Variants in ZNF346 observed in about 807,000 individuals in gnomAD.
ZNF346 encodes the protein double-stranded RNA-binding zinc finger protein JAZ.
Under a neutral mutation model 33.7 loss-of-function variants are expected in ZNF346, and 23 were observed. That is an observed-to-expected ratio of 0.68 (90% CI 0.49 to 0.97). The LOEUF is 0.97. Ranked by LOEUF, ZNF346 falls within the 50% of genes least tolerant of loss-of-function variation. The pLI is 0.00. For missense variants in ZNF346, 340 were observed against 371.1 expected (o/e 0.92, Z 0.69); for synonymous variants, 134 against 142.4 (o/e 0.94, Z 0.42).
At chr5:177,063,302 C>A (rs752640530) in intron 6 of ZNF346, among the ~76,000 whole-genome samples, 5 of 152,142 alleles carry the variant, frequency 3.3e-5, no homozygotes, top group Admixed American at 6.5e-5. Context: ...TGACTTTGGT[C>A]ATTGATTTTG....
chr5:177,057,034 G>T (rs1247735825), intron 5 of ZNF346, among the ~76,000 whole-genome samples: 2 of 152,192 alleles, frequency 1.3e-5, no homozygotes, highest in African/African-American at 4.8e-5. Flanking sequence ...TCTGTGGCTG[G>T]GTTTGATGGC....
intron 8 of ZNF346, among the ~76,000 whole-genome samples, chr5:177,073,910 G>A (rs770114694): frequency 7.1e-4 from 108 of 152,222 alleles, no homozygotes; most frequent in Admixed American, 4.6e-4. Flanking sequence ...TAACATGACT[G>A]TACGACTTCC....
intron 5 of ZNF346, 22 bp from the exon 6 acceptor site, chr5:177,062,036 T>G (rs376301790): frequency 1.1e-5 from 17 of 1,603,170 alleles, no homozygotes; most frequent in Non-Finnish European, 1.5e-5. Flanking sequence ...ATTACTAAGA[T>G]CTTGATTTTG....
intron 6 of ZNF346, among the ~76,000 whole-genome samples, chr5:177,063,278 C>G (rs766533069): frequency 3.7e-4 from 57 of 152,064 alleles, no homozygotes; most frequent in Non-Finnish European, 7.1e-4. Context: ...GGCAAGCTGC[C>G]GAAATGATTG....
chr5:177,073,924 G>A (rs1413637119), intron 8 of ZNF346, among the ~76,000 whole-genome samples: 1 of 152,098 alleles, frequency 6.6e-6, no homozygotes, highest in East Asian at 1.9e-4. Flanking sequence ...GACTTCCAAG[G>A]TTAGGACTTA....
intron 3 of ZNF346, 34 bp from the exon 4 acceptor site, chr5:177,044,355 G>C: frequency 6.2e-7 from 1 of 1,613,236 alleles, no homozygotes; most frequent in Non-Finnish European, 8.5e-7. Context: ...TGGGGCAGTG[G>C]TATGATCAGA....
At chr5:177,023,160 C>T in intron 1 of ZNF346, 5 of 1,533,648 alleles carry the variant, frequency 3.3e-6, no homozygotes, top group Non-Finnish European at 3.5e-6. Flanking sequence ...TTCACTACAG[C>T]GCAGTTTTTC....
At chr5:177,041,297 G>A in intron 2 of ZNF346, 68 bp downstream of exon 2, 1 of 1,327,136 alleles carries the variant, frequency 7.5e-7, no homozygotes, top group Non-Finnish European at 1.1e-6. Context: ...ATTCTCTCTG[G>A]CTTGCATGGT....
chr5:177,035,319 C>T (rs533622959), intron 1 of ZNF346, among the ~76,000 whole-genome samples: 1 of 152,252 alleles, frequency 6.6e-6, no homozygotes, highest in Admixed American at 6.5e-5. Flanking sequence ...CCCTGCCTCT[C>T]CAGTGAATGA....
intron 5 of ZNF346, chr5:177,051,694 A>G (rs1239065845): frequency 6.7e-6 from 1 of 149,320 alleles, no homozygotes; most frequent in East Asian, 2.0e-4. Flanking sequence ...ACACACCACC[A>G]CGCCCGGCTA....
chr5:177,035,020 T>A (rs1054946510), intron 1 of ZNF346, among the ~76,000 whole-genome samples: 5 of 144,560 alleles, frequency 3.5e-5, no homozygotes, highest in Admixed American at 3.3e-4. Flanking sequence ...TTCTTTTCTT[T>A]TCTTTTTTTT....
At chr5:177,041,328 C>T in intron 2 of ZNF346, 99 bp downstream of exon 2, 1 of 989,508 alleles carries the variant, frequency 1.0e-6, no homozygotes, top group Non-Finnish European at 1.6e-6. Context: ...TGCTGCTTAG[C>T]CACCCAGATG....
chr5:177,039,049 AC>A (rs893040181), intron 1 of ZNF346, among the ~76,000 whole-genome samples: 21 of 151,484 alleles, frequency 1.4e-4, no homozygotes, highest in Non-Finnish European at 2.9e-4. Context: ...GCTTCACCAC[AC>A]CCGGCTAGTT....
chr5:177,036,472 G>A (rs899070335), intron 1 of ZNF346, among the ~76,000 whole-genome samples: 1 of 152,090 alleles, frequency 6.6e-6, no homozygotes, highest in Non-Finnish European at 1.5e-5. Flanking sequence ...GTGTTGGTAG[G>A]GAAGCATAAT....
Position 177,041,786 on chromosome 5 carries a change from A to G in ZNF346, c.288A>G (p.Lys96=). 6.2e-7 allele frequency: 1 copy of G among 1,612,534 alleles called. No individual in the cohort carries two copies. The highest frequency in any genetic ancestry group is 8.5e-7 in the Non-Finnish European group (1 of 1,178,678). The change falls in exon 3 of 7, where the codon AAA becomes AAG. Residue 96 remains lysine (K), a synonymous_variant. Transcript: ENST00000358149. The part of the protein sequence containing the change: ...SQKLAHYQSK[K]HANKVKRYLA... ...CTCCTGGGTTTTTGCAGAGCAAAAA[A>G]CATGCCAACAAAGTGAAGAGATACC...
intron 3 of ZNF346, among the ~76,000 whole-genome samples, chr5:177,043,368 T>C (rs1472549726): frequency 1.3e-5 from 2 of 152,138 alleles, no homozygotes; most frequent in Non-Finnish European, 1.5e-5. Flanking sequence ...ATTTTACATA[T>C]TTGCACCCTA....
At chr5:177,040,624 C>T (rs896118749) in intron 1 of ZNF346, among the ~76,000 whole-genome samples, 1 of 152,192 alleles carries the variant, frequency 6.6e-6, no homozygotes, top group African/African-American at 2.4e-5. Flanking sequence ...GGATTACAGG[C>T]GTGAGCCACC....
chr5:177,068,751 A>AGGGC (rs1481572511), downstream of ZNF346, among the ~76,000 whole-genome samples: 3 of 142,910 alleles, frequency 2.1e-5, no homozygotes, highest in Non-Finnish European at 4.4e-5. Flanking sequence ...AGAAGGTTGT[A>AGGGC]GGGCTCTTTC....
intron 4 of ZNF346, among the ~76,000 whole-genome samples, chr5:177,050,505 A>G (rs141927034): frequency 8.2e-4 from 125 of 152,314 alleles, no homozygotes; most frequent in African/African-American, 2.9e-3. Flanking sequence ...CCGCTGAATG[A>G]AATAGCCAGT....
Sources: gnomAD v4.1 joint callset for allele counts (sites outside exome capture counted in the v4.1 genomes callset) on GRCh38, gnomAD v4.1.1 for gene constraint, MANE v1.5 for transcripts, NCBI Gene and HGNC (gene_info 2026-07-23, HGNC 2026-07-21) for gene names.